MMD2: variants seen among roughly 807,000 people sequenced by gnomAD.
The protein encoded by MMD2 is monocyte to macrophage differentiation associated 2.
Under a neutral mutation model 33.5 loss-of-function variants are expected in MMD2, and 30 were observed. The observed-to-expected ratio is 0.90, with a 90% CI of 0.67 to 1.22. The LOEUF is 1.22. MMD2 is among the 50% of genes most tolerant of loss of function. The pLI is 0.00. For synonymous variants in MMD2, 129 were observed against 123.0 expected (o/e 1.05, Z -0.32); for missense variants, 364 against 325.4 (o/e 1.12, Z -0.91).
downstream of MMD2, among the ~76,000 whole-genome samples, chr7:4,904,233 C>A (rs1000683354): frequency 1.3e-5 from 2 of 152,150 alleles, no homozygotes; most frequent in Non-Finnish European, 2.9e-5. Flanking sequence ...GTGCTCGGCG[C>A]CCCTCTCTAC....
the MMD2 span, among the ~76,000 whole-genome samples, chr7:4,899,393 CTTTTTTTT>C: frequency 6.9e-6 from 1 of 145,264 alleles, no homozygotes; most frequent in Admixed American, 6.9e-5. Flanking sequence ...ATGTATTTTT[CTTTTTTTT>C]TTTTTGAAAC....
intron 1 of MMD2, among the ~76,000 whole-genome samples, chr7:4,956,588 C>G (rs990300042): frequency 1.3e-5 from 2 of 152,110 alleles, no homozygotes; most frequent in African/African-American, 2.4e-5. Flanking sequence ...TGCATTGGCC[C>G]AAGCATGAAA....
intron 1 of MMD2, among the ~76,000 whole-genome samples, chr7:4,929,880 C>A (rs1785529285): frequency 6.6e-6 from 1 of 152,026 alleles, no homozygotes; most frequent in Admixed American, 6.6e-5. Context: ...TGGGTTGAAC[C>A]GTGTCCTCCC....
At chr7:4,934,078 C>G (rs535901388) in intron 1 of MMD2, among the ~76,000 whole-genome samples, 1 of 152,118 alleles carries the variant, frequency 6.6e-6, no homozygotes, top group African/African-American at 2.4e-5. Flanking sequence ...TACAGGCATC[C>G]GCCACCACAC....
At chr7:4,937,027 T>A (rs1250367530) in intron 1 of MMD2, among the ~76,000 whole-genome samples, 1 of 145,862 alleles carries the variant, frequency 6.9e-6, no homozygotes, top group Non-Finnish European at 1.5e-5. Context: ...TGAGCCACCA[T>A]GCCCAGCCCA....
rs1451680270 is a variant in MMD2, at chr7:4,946,087, ACGCACACACACGCATGCACACG to A, written c.47+12862_47+12883del. ...CACACACTCACACGCACGCACACGC[ACGCACACACACGCATGCACACG>A]CGCACACGCACGCACACACCTGCAC... On this transcript the variant is annotated intron_variant, in intron 1 of 6. Coordinates refer to ENST00000401401, the MANE Select transcript of MMD2 (RefSeq NM_198403.4). The surrounding 1 kb of genome is among the most constrained non-coding windows in gnomAD (Gnocchi z 5.0). 2.6e-5 allele frequency among the ~76,000 whole-genome samples: 4 copies of A among 151,664 alleles called. No homozygotes were observed. The highest frequency in any genetic ancestry group is 4.4e-5 in the Non-Finnish European group (3 of 67,914).
At chr7:4,957,526 G>A (rs148161539) in intron 1 of MMD2, among the ~76,000 whole-genome samples, 20,933 of 151,804 alleles carry the variant, frequency 0.14, 1,754 homozygotes, top group Admixed American at 0.22. Flanking sequence ...GCAGGTGCCT[G>A]TAGTCCCAGC....
chr7:4,937,495 A>T (rs903313657), intron 1 of MMD2, among the ~76,000 whole-genome samples: 1 of 152,064 alleles, frequency 6.6e-6, no homozygotes, highest in African/African-American at 2.4e-5. Flanking sequence ...ATTATAAATT[A>T]TTTTTTGCTG....
intron 1 of MMD2, among the ~76,000 whole-genome samples, chr7:4,936,479 A>C (rs1785744736): frequency 6.6e-6 from 1 of 151,930 alleles, no homozygotes; most frequent in African/African-American, 2.4e-5. Context: ...CTTTCATTTG[A>C]TTTGTGTTGT....
rs1251942793 is a variant in MMD2 at position 4,946,199 on chromosome 7, A to ACACACGCATG, written c.47+12762_47+12771dup. 1.3e-5 allele frequency among the ~76,000 whole-genome samples: 2 copies of ACACACGCATG among 150,306 alleles called. No homozygotes were observed. Among genetic ancestry groups the ACACACGCATG allele is most frequent in the African/African-American group, 4.9e-5 (2 of 40,846 alleles). ...TGCACACACACGCGCGCACACCCAC[A>ACACACGCATG]CACACGCATGCACACACATGCACAC... On this transcript the variant is annotated intron_variant, in intron 1 of 6. Transcript: ENST00000401401. This position sits in a 1 kb window ranked among gnomAD's most constrained non-coding sequence, Gnocchi z 5.0.
At chr7:4,898,969 G>T in the MMD2 span, among the ~76,000 whole-genome samples, 1 of 151,746 alleles carries the variant, frequency 6.6e-6, no homozygotes, top group East Asian at 1.9e-4. Flanking sequence ...TAGGAAGGAA[G>T]GAAGCTAGGA....
intron 1 of MMD2, 60 bp from the exon 2 acceptor site, chr7:4,925,592 C>T: frequency 7.3e-7 from 1 of 1,372,634 alleles, no homozygotes; most frequent in African/African-American, 1.5e-5. Context: ...ATCCGAATTC[C>T]CAGGAAGCCT....
In MMD2 at chr7:4,916,635, G is replaced by A. The variant is rs537780779; in HGVS notation, c.291-556C>T. 4.6e-5 allele frequency among the ~76,000 whole-genome samples: 7 copies of A among 151,988 alleles called. 1 individual carries two copies. Among genetic ancestry groups the A allele is most frequent in the African/African-American group, 1.7e-4 (7 of 41,492 alleles). The stretch of plus-strand genomic sequence containing the variant: ...TGAACTCCAGTGATCCACCCGCCTC[G>A]GTCTCCTAAAGTGCTGGGATTACAA... On this transcript the variant is annotated intron_variant, in intron 3 of 6. Transcript: ENST00000401401.
rs573478214 is a variant in MMD2 at position 4,912,394 on chromosome 7, T to A, written c.366-1148A>T. On this transcript the variant is annotated intron_variant, in intron 4 of 6. Coordinates refer to ENST00000401401, the MANE Select transcript of MMD2 (RefSeq NM_198403.4). ...TAACATGGTGAAACCCCGTCTCTAC[T>A]AAAAATACAAAAACAAAATGAGCCA... Among the ~76,000 whole-genome samples, 135 of 151,742 alleles carry A rather than the reference T, an allele frequency of 8.9e-4. 1 individual carries two copies. The highest frequency in any genetic ancestry group is 3.0e-3 in the Admixed American group (45 of 15,236).
At chr7:4,939,596 G>A (rs1785845109) in intron 1 of MMD2, among the ~76,000 whole-genome samples, 2 of 152,078 alleles carry the variant, frequency 1.3e-5, no homozygotes, top group Admixed American at 1.3e-4. Context: ...GGTAGAATTA[G>A]CATAGAAATA....
intron 1 of MMD2, among the ~76,000 whole-genome samples, chr7:4,957,973 G>C (rs1394350403): frequency 1.3e-5 from 2 of 152,190 alleles, no homozygotes; most frequent in Non-Finnish European, 2.9e-5. Flanking sequence ...CCAGTTGCAA[G>C]TGACAAGCCA....
At chr7:4,919,458 T>G (rs1785219568) in intron 3 of MMD2, among the ~76,000 whole-genome samples, 1 of 150,422 alleles carries the variant, frequency 6.6e-6, no homozygotes, top group Admixed American at 6.6e-5. Context: ...TGGTCTCAGT[T>G]CCTCAGGCGG....
intron 4 of MMD2, among the ~76,000 whole-genome samples, chr7:4,912,919 G>C (rs1785052249): frequency 6.6e-6 from 1 of 152,080 alleles, no homozygotes; most frequent in Non-Finnish European, 1.5e-5. Context: ...GGCCAGGCTG[G>C]TCTCAAACTC....
At chr7:4,905,312 GGAA>G (rs368617965), downstream of MMD2, among the ~76,000 whole-genome samples, 1,229 of 143,966 alleles carry the variant, frequency 8.5e-3, 17 homozygotes, top group African/African-American at 0.025. The surrounding 1 kb of genome is among the most constrained non-coding windows in gnomAD (Gnocchi z 5.0). Context: ...AAGAGGAAGA[GGAA>G]GAAGAAGAAG....
Sources: allele counts gnomAD v4.1 joint callset (sites outside exome capture counted in the v4.1 genomes callset), GRCh38; gene constraint gnomAD v4.1.1; non-coding constraint Gnocchi (gnomAD v3.1); transcripts MANE v1.5; gene names NCBI Gene and HGNC (gene_info 2026-07-23, HGNC 2026-07-21).